Variants in HUNK observed in about 807,000 individuals in gnomAD.
HUNK encodes hormonally up-regulated neu tumor-associated kinase.
A neutral mutation model predicts 61.0 loss-of-function variants in HUNK; 21 were observed. That is an observed-to-expected ratio of 0.34 (90% CI 0.24 to 0.50). HUNK has a LOEUF of 0.50. HUNK is among the 20% of genes least tolerant of loss of function. The pLI, the probability that HUNK is intolerant of heterozygous loss-of-function variation, is 0.98. For missense variants in HUNK, 772 were observed against 945.7 expected, an observed-to-expected ratio of 0.82 and a Z score of 2.41; for synonymous variants, 371 against 386.1, an observed-to-expected ratio of 0.96 and a Z score of 0.46.
intron 1 of HUNK, among the ~76,000 whole-genome samples, chr21:31,909,742 A>C (rs552354621): frequency 6.6e-6 from 1 of 152,364 alleles, no homozygotes; most frequent in South Asian, 2.1e-4. Flanking sequence ...ACTGAAATTA[A>C]TTATAAAGCC....
At chr21:31,957,586 G>A (rs188997613) in intron 4 of HUNK, among the ~76,000 whole-genome samples, 63 of 152,162 alleles carry the variant, frequency 4.1e-4, no homozygotes, top group African/African-American at 1.5e-3. Flanking sequence ...TATTCCCTTG[G>A]GCGCTTTTGA....
chr21:31,992,945 T>G (rs1601414001), intron 9 of HUNK, among the ~76,000 whole-genome samples: 1 of 152,164 alleles, frequency 6.6e-6, no homozygotes, highest in African/African-American at 2.4e-5. Context: ...TTTCTTGATT[T>G]CTCCTTAGAC....
chr21:31,943,611 C>T (rs1339688593), intron 3 of HUNK, among the ~76,000 whole-genome samples: 1 of 152,226 alleles, frequency 6.6e-6, no homozygotes, highest in East Asian at 1.9e-4. Context: ...GCTTAACATG[C>T]AGATTCTCTC....
intron 4 of HUNK, among the ~76,000 whole-genome samples, chr21:31,957,529 C>T (rs2052897792): frequency 6.6e-6 from 1 of 152,154 alleles, no homozygotes; most frequent in Non-Finnish European, 1.5e-5. Flanking sequence ...CAATCAGTCT[C>T]ATTGGATTTG....
chr21:32,003,901 GTGT>G lies in HUNK; in HGVS notation c.*4719_*4721del, dbSNP rs1315494240. 2.0e-5 allele frequency: 3 copies of G among 152,152 alleles called. No homozygotes were observed. The highest frequency in any genetic ancestry group is 4.4e-5 in the Non-Finnish European group (3 of 68,040). 9.4% of individuals were successfully genotyped at this position (152,152 alleles called of 1,614,324 possible). A position where few individuals can be genotyped will look rare whatever the true frequency, so the allele number is the denominator to read the frequency against. On this transcript the variant is annotated 3_prime_UTR_variant, in exon 11 of 11. Coordinates refer to ENST00000270112, the MANE Select transcript of HUNK (RefSeq NM_014586.2). ...ACATGTATCCACATCTGAGCTGGTGGTGTTCCAATAATGAGGCATTTGGGGCAA... is the reference window on the plus strand; with the variant it reads ...ACATGTATCCACATCTGAGCTGGTGGTCCAATAATGAGGCATTTGGGGCAA...
Position 31,932,889 on chromosome 21 carries a change from A to G in HUNK, c.555-7276A>G, listed in dbSNP as rs542875494. ...CCCCCAGCACTGTCCTCACCAACCC[A>G]TCCTCCTGCGCTGCCTTCTTCCTTT... On this transcript the variant is annotated intron_variant, in intron 2 of 10. Transcript: ENST00000270112. Among the ~76,000 whole-genome samples, 314 of 144,442 alleles carry G rather than the reference A, an allele frequency of 2.2e-3. 4 individuals carry two copies. Among genetic ancestry groups the G allele is most frequent in the African/African-American group, 7.9e-3 (305 of 38,810 alleles). 94.8% of individuals were successfully genotyped at this position (144,442 alleles called of 152,430 possible).
At chr21:31,973,345 C>T (rs1231139086) in intron 6 of HUNK, among the ~76,000 whole-genome samples, 1 of 152,000 alleles carries the variant, frequency 6.6e-6, no homozygotes, top group Non-Finnish European at 1.5e-5. Flanking sequence ...TGTGATGTTC[C>T]CCACCCTGTG....
chr21:31,984,709 T>TTC (rs2053121114), intron 8 of HUNK, among the ~76,000 whole-genome samples: 1 of 152,192 alleles, frequency 6.6e-6, no homozygotes, highest in South Asian at 2.1e-4. Context: ...CATTCACTTT[T>TTC]TGCCAAGTGA....
intron 1 of HUNK, among the ~76,000 whole-genome samples, chr21:31,894,351 A>G (rs1198327358): frequency 6.6e-6 from 1 of 152,082 alleles, no homozygotes; most frequent in South Asian, 2.1e-4. Context: ...TTTTCGTAAA[A>G]TCCATTTTTA....
At chr21:31,915,563 T>A (rs1052495595) in intron 1 of HUNK, among the ~76,000 whole-genome samples, 7 of 152,164 alleles carry the variant, frequency 4.6e-5, no homozygotes, top group African/African-American at 1.2e-4. Context: ...ATCAGTATAT[T>A]TTTTTTCTTC....
chr21:31,998,453 A>G, intron 10 of HUNK, 73 bp from the exon 11 acceptor site: 2 of 1,365,018 alleles, frequency 1.5e-6, no homozygotes, highest in Non-Finnish European at 2.0e-6. Context: ...GCTGGAGGTC[A>G]CAGCAGGCAG....
At position 31,982,891 on chromosome 21, in the gene HUNK, C is replaced by T. The variant is rs568548855; in HGVS notation, c.1174-635C>T. On this transcript the variant is annotated intron_variant, in intron 7 of 10. Transcript: ENST00000270112. ...CGATCTTGGCTCACTGCAGCCTCCA[C>T]CTCCCGGATTCAAGTGATTCTCCTT... Among the ~76,000 whole-genome samples the T allele has an allele frequency of 2.0e-4, 30 of 152,276 alleles. 1 individual carries two copies. Among genetic ancestry groups the T allele is most frequent in the Admixed American group, 3.9e-4 (6 of 15,300 alleles).
At chr21:31,991,511 G>GC in intron 9 of HUNK, among the ~76,000 whole-genome samples, 1 of 152,260 alleles carries the variant, frequency 6.6e-6, no homozygotes, top group East Asian at 1.9e-4. Flanking sequence ...GAGCCACTGC[G>GC]CCCGGCCCAA....
At chr21:31,884,998 G>A (rs942654777) in intron 1 of HUNK, among the ~76,000 whole-genome samples, 3 of 151,892 alleles carry the variant, frequency 2.0e-5, no homozygotes, top group Non-Finnish European at 4.4e-5. Flanking sequence ...GGCTGGTCTC[G>A]AACTCCTGAC....
At chr21:31,929,052 GTGTT>G (rs747905102) in intron 2 of HUNK, among the ~76,000 whole-genome samples, 38 of 152,052 alleles carry the variant, frequency 2.5e-4, no homozygotes, top group Non-Finnish European at 4.7e-4. Context: ...GTGTGTGTGT[GTGTT>G]TGTGTGTGTG....
At chr21:31,920,764 G>T (rs746647551) in intron 1 of HUNK, among the ~76,000 whole-genome samples, 68 of 152,116 alleles carry the variant, frequency 4.5e-4, no homozygotes, top group Non-Finnish European at 8.5e-4. Flanking sequence ...GGTGTGGATG[G>T]CAGGGGCTCT....
Position 32,001,106 on chromosome 21 carries a change from T to C in HUNK, c.*1922T>C, listed in dbSNP as rs2053242717. ...GGGCAACATGGTGAAAGCCCGTCTCTACCGAAAAATACAAAAAAAAATAGC... is the reference window on the plus strand; with the variant it reads ...GGGCAACATGGTGAAAGCCCGTCTCCACCGAAAAATACAAAAAAAAATAGC... On this transcript the variant is annotated 3_prime_UTR_variant, in exon 11 of 11. Coordinates refer to ENST00000270112, the MANE Select transcript of HUNK (RefSeq NM_014586.2). 1 of 124,336 alleles carries C rather than the reference T, an allele frequency of 8.0e-6. No homozygotes were observed. The highest frequency in any genetic ancestry group is 1.6e-5 in the Non-Finnish European group (1 of 61,010). The allele number at this position is 124,336 out of a possible 1,614,324, so 7.7% of individuals were successfully genotyped here.
intron 2 of HUNK, among the ~76,000 whole-genome samples, chr21:31,933,261 C>T (rs2052710577): frequency 6.6e-6 from 1 of 152,122 alleles, no homozygotes; most frequent in Non-Finnish European, 1.5e-5. Context: ...TGTTGCTTCT[C>T]CTAGCTCCTC....
intron 5 of HUNK, among the ~76,000 whole-genome samples, chr21:31,960,381 G>GTT (rs34439358): frequency 7.3e-4 from 107 of 147,334 alleles, no homozygotes; most frequent in South Asian, 2.0e-3. Context: ...GAGTAAAAAG[G>GTT]TTTTTTTTTT....
Sources: allele counts gnomAD v4.1 joint callset (sites outside exome capture counted in the v4.1 genomes callset), GRCh38; gene constraint gnomAD v4.1.1; transcripts MANE v1.5; gene names NCBI Gene and HGNC (gene_info 2026-07-23, HGNC 2026-07-21).